The following ATP2C2 variants were observed in gnomAD, a reference collection of about 807,000 sequenced individuals.
ATP2C2 encodes ATPase secretory pathway Ca2+ transporting 2, also known as calcium-transporting ATPase type 2C member 2.
In ATP2C2, 171 loss-of-function variants were observed where a neutral mutation model predicts 110.8. The ratio of observed to expected loss-of-function variants is 1.54; its 90% CI spans 1.36 to 1.75. The LOEUF is 1.75. Ranked by LOEUF, ATP2C2 falls within the 40% of genes most tolerant of loss-of-function variation. The probability of loss-of-function intolerance (pLI) is 0.00; values close to 1 mark genes in which losing one functional copy is unlikely to be tolerated. For synonymous variants in ATP2C2, 804 were observed against 508.4 expected (o/e 1.58, Z -7.82); for missense variants, 1,963 against 1,235.0 (o/e 1.59, Z -8.84).
At chr16:84,390,595 G>T (rs184624719) in intron 1 of ATP2C2, among the ~76,000 whole-genome samples, 67 of 152,286 alleles carry the variant, frequency 4.4e-4, no homozygotes, top group African/African-American at 1.6e-3. Context: ...CATAGAGACA[G>T]GAAGCAGATG....
chr16:84,435,025 A>T (rs1246391289), intron 11 of ATP2C2, among the ~76,000 whole-genome samples: 5 of 152,248 alleles, frequency 3.3e-5, no homozygotes, highest in African/African-American at 1.2e-4. Context: ...CAGCCCCTTG[A>T]TCAGATTCTG....
chr16:84,394,018 A>G (rs1260355001), intron 1 of ATP2C2, among the ~76,000 whole-genome samples: 1 of 149,352 alleles, frequency 6.7e-6, no homozygotes, highest in Admixed American at 6.6e-5. Flanking sequence ...AAATAAAAAA[A>G]TAAAAAATAA....
intron 20 of ATP2C2, among the ~76,000 whole-genome samples, chr16:84,454,037 C>A (rs542731094): frequency 1.3e-5 from 2 of 152,274 alleles, no homozygotes; most frequent in Admixed American, 6.5e-5. Context: ...GGCAGGGTTT[C>A]GCCATGTTGG....
At chr16:84,425,699 C>T in intron 10 of ATP2C2, 36 bp from the exon 11 acceptor site, 1 of 1,603,426 alleles carries the variant, frequency 6.2e-7, no homozygotes, top group East Asian at 2.2e-5. Flanking sequence ...GTGTGTAGTG[C>T]ATATGGAGAT....
chr16:84,456,450 C>G (rs1287219461), intron 21 of ATP2C2, among the ~76,000 whole-genome samples: 1 of 147,894 alleles, frequency 6.8e-6, no homozygotes, highest in Non-Finnish European at 1.5e-5. Context: ...GATGCCCTCT[C>G]TCACCGCTCC....
chr16:84,412,372 G>A (rs1429544698), intron 6 of ATP2C2, among the ~76,000 whole-genome samples: 6 of 110,060 alleles, frequency 5.5e-5, no homozygotes, highest in East Asian at 2.3e-4. Flanking sequence ...GCATGTGTGT[G>A]TGCGTGTGTG....
At chr16:84,416,829 G>A (rs1334581471) in intron 7 of ATP2C2, among the ~76,000 whole-genome samples, 2 of 152,190 alleles carry the variant, frequency 1.3e-5, no homozygotes, top group African/African-American at 4.8e-5. Context: ...GATCCGGTCA[G>A]AGGAACGGCT....
At chr16:84,418,259 G>A (rs949134416) in intron 7 of ATP2C2, among the ~76,000 whole-genome samples, 9 of 152,140 alleles carry the variant, frequency 5.9e-5, no homozygotes, top group African/African-American at 2.2e-4. Flanking sequence ...CTTCAGGCTC[G>A]GCCTGCCGCC....
At chr16:84,425,641 C>A in intron 10 of ATP2C2, 94 bp from the exon 11 acceptor site, 1 of 1,389,144 alleles carries the variant, frequency 7.2e-7, no homozygotes, top group Non-Finnish European at 1.0e-6. Context: ...TGCATGCATT[C>A]CTGTAAACTC....
chr16:84,450,898 A>G (rs909808564), intron 17 of ATP2C2, among the ~76,000 whole-genome samples: 3 of 152,028 alleles, frequency 2.0e-5, no homozygotes, highest in Non-Finnish European at 4.4e-5. Context: ...GAGGGCAAGA[A>G]CTGTTAGAAA....
At chr16:84,460,468 G>A in intron 23 of ATP2C2, 186 bp from the exon 24 acceptor site, 1 of 783,206 alleles carries the variant, frequency 1.3e-6, no homozygotes, top group Admixed American at 2.1e-5. Context: ...AGCTGCCCAT[G>A]GACCCAGGCT....
intron 1 of ATP2C2, among the ~76,000 whole-genome samples, chr16:84,394,473 G>T (rs952629879): frequency 3.3e-5 from 5 of 151,976 alleles, no homozygotes; most frequent in African/African-American, 1.2e-4. Context: ...GGCTTCTTCC[G>T]CTTAGTGTGA....
rs778219893 is a variant in ATP2C2 at position 84,439,288 on chromosome 16, T to C, written c.1109T>C (p.Leu370Ser). Residue 370 changes from leucine (L) to serine (S), a missense_variant and splice_region_variant, in exon 12 of 27, where the codon TTA becomes TCA. Leu to Ser is a moderately radical substitution (Grantham distance 145, BLOSUM62 -2). Coordinates refer to ENST00000262429, the MANE Select transcript of ATP2C2 (RefSeq NM_014861.4). The stretch of plus-strand genomic sequence containing the variant: ...AAGAAGTTACCCATCGTGGAGACTT[T>C]AGGTGAGGGACTCCAGCTGGTGGAA... ...IVKKLPIVET[L>S]GCCSVLCSDK... The C allele has an allele frequency of 1.2e-5, 19 of 1,612,982 alleles. No individual in the cohort carries two copies. Among genetic ancestry groups the C allele is most frequent in the South Asian group, 2.2e-5 (2 of 91,018 alleles).
intron 11 of ATP2C2, among the ~76,000 whole-genome samples, chr16:84,434,084 T>C (rs1260628650): frequency 6.6e-6 from 1 of 152,112 alleles, no homozygotes; most frequent in African/African-American, 2.4e-5. Context: ...ATAAGTAAAA[T>C]GAGAGAATCA....
intron 1 of ATP2C2, among the ~76,000 whole-genome samples, chr16:84,388,291 C>T (rs1235645113): frequency 6.6e-6 from 1 of 151,856 alleles, no homozygotes; most frequent in Admixed American, 6.6e-5. Flanking sequence ...CGCCACTGCA[C>T]TGCAGCCTGG....
Position 84,432,623 on chromosome 16 carries a change from C to T in ATP2C2, c.987-6543C>T, listed in dbSNP as rs1224660126. On this transcript the variant is annotated intron_variant, in intron 11 of 26. Coordinates refer to ENST00000262429, the MANE Select transcript of ATP2C2 (RefSeq NM_014861.4). ...GCCACCTCCATCTCCTGGGTTCAAA[C>T]TATTCTCCTGCCTCAGCCTCCCAAG... Among the ~76,000 whole-genome samples, 4 of 152,216 alleles carry T rather than the reference C, an allele frequency of 2.6e-5. No homozygotes were observed. In the East Asian group the frequency reaches 7.7e-4, roughly 29 times the overall value.
At chr16:84,388,987 G>C (rs1904488832) in intron 1 of ATP2C2, among the ~76,000 whole-genome samples, 1 of 152,072 alleles carries the variant, frequency 6.6e-6, no homozygotes, top group South Asian at 2.1e-4. Flanking sequence ...ACCCAGGATG[G>C]TCTCAATCTC....
intron 1 of ATP2C2, among the ~76,000 whole-genome samples, chr16:84,397,579 C>A (rs1397681096): frequency 1.4e-5 from 2 of 145,012 alleles, no homozygotes; most frequent in Admixed American, 7.3e-5. Context: ...GAGGCTGAAG[C>A]AGGAGGATCA....
At chr16:84,448,198 C>A (rs1043773218) in intron 16 of ATP2C2, among the ~76,000 whole-genome samples, 1 of 152,096 alleles carries the variant, frequency 6.6e-6, no homozygotes, top group Admixed American at 6.6e-5. Flanking sequence ...TTAATCACAC[C>A]CCCAAAGGCA....
Sources: gnomAD v4.1 joint callset for allele counts (sites outside exome capture counted in the v4.1 genomes callset) on GRCh38, gnomAD v4.1.1 for gene constraint, MANE v1.5 for transcripts, NCBI Gene and HGNC (gene_info 2026-07-23, HGNC 2026-07-21) for gene names.